The following SIK2 variants were observed in gnomAD, a reference collection of about 807,000 sequenced individuals.
SIK2 encodes the protein salt inducible kinase 2.
A neutral mutation model predicts 103.2 loss-of-function variants in SIK2; 29 were observed. That is an observed-to-expected ratio of 0.28 (90% CI 0.21 to 0.38). The LOEUF (loss-of-function observed/expected upper bound fraction) is 0.38. Ranked by LOEUF, SIK2 falls within the 10% of genes least tolerant of loss-of-function variation. SIK2 has a pLI of 1.00. For synonymous variants in SIK2, 412 were observed against 446.1 expected (o/e 0.92, Z 0.96); for missense variants, 879 against 1,171.0 (o/e 0.75, Z 3.64).
At chr11:111,608,726 C>T (rs2135829171) in intron 1 of SIK2, among the ~76,000 whole-genome samples, 1 of 152,254 alleles carries the variant, frequency 6.6e-6, no homozygotes, top group Non-Finnish European at 1.5e-5. Flanking sequence ...ATCTTCCTGT[C>T]TCTCTTTCTA....
intron 8 of SIK2, among the ~76,000 whole-genome samples, chr11:111,708,641 A>G (rs1249921613): frequency 6.6e-6 from 1 of 152,102 alleles, no homozygotes; most frequent in African/African-American, 2.4e-5. Context: ...GCCAGAGGAC[A>G]GTGGCAATCA....
intron 3 of SIK2, among the ~76,000 whole-genome samples, chr11:111,651,669 T>G (rs1414080627): frequency 6.6e-6 from 1 of 152,214 alleles, no homozygotes; most frequent in East Asian, 1.9e-4. Context: ...ATCCTGCACG[T>G]GTATCCCAGA....
intron 3 of SIK2, among the ~76,000 whole-genome samples, chr11:111,656,079 A>G (rs1022899711): frequency 6.6e-6 from 1 of 150,688 alleles, no homozygotes; most frequent in Non-Finnish European, 1.5e-5. Context: ...GGTCCCAGCT[A>G]CTCAGGAGGC....
At chr11:111,625,217 T>C (rs574519877) in intron 3 of SIK2, among the ~76,000 whole-genome samples, 1 of 152,264 alleles carries the variant, frequency 6.6e-6, no homozygotes, top group Admixed American at 6.5e-5. Context: ...GCATCTAATG[T>C]ATCATTTTAA....
intron 3 of SIK2, among the ~76,000 whole-genome samples, chr11:111,622,645 TG>T (rs1941906148): frequency 6.6e-6 from 1 of 152,236 alleles, no homozygotes; most frequent in African/African-American, 2.4e-5. Context: ...TCTTTATTTT[TG>T]TCTTTGTTTT....
intron 3 of SIK2, among the ~76,000 whole-genome samples, chr11:111,682,299 T>C (rs1565351869): frequency 6.6e-6 from 1 of 152,088 alleles, no homozygotes; most frequent in African/African-American, 2.4e-5. Flanking sequence ...ATCCAGAATA[T>C]AGGATGACCG....
At chr11:111,664,445 GTC>G (rs1158400073) in intron 3 of SIK2, among the ~76,000 whole-genome samples, 4 of 152,076 alleles carry the variant, frequency 2.6e-5, no homozygotes, top group Admixed American at 6.5e-5. Flanking sequence ...GTGAAAGCCT[GTC>G]TCTACTCAAA....
At chr11:111,652,039 A>G (rs1251832910) in intron 3 of SIK2, among the ~76,000 whole-genome samples, 1 of 152,228 alleles carries the variant, frequency 6.6e-6, no homozygotes, top group Non-Finnish European at 1.5e-5. Flanking sequence ...AAGATAATAC[A>G]TCGGTGCTTC....
intron 8 of SIK2, 116 bp from the exon 9 acceptor site, chr11:111,712,091 CAATA>C (rs1943512203): frequency 9.3e-7 from 1 of 1,080,506 alleles, no homozygotes; most frequent in Admixed American, 2.3e-5. Flanking sequence ...CTGGAGTTTC[CAATA>C]AATAAATATT....
intron 3 of SIK2, among the ~76,000 whole-genome samples, chr11:111,676,954 ATAGAG>A (rs1355081084): frequency 6.6e-6 from 1 of 152,234 alleles, no homozygotes; most frequent in Non-Finnish European, 1.5e-5. Flanking sequence ...ACTACCATAA[ATAGAG>A]TAAATAGCAC....
At chr11:111,609,896 T>C (rs1353845553) in intron 1 of SIK2, among the ~76,000 whole-genome samples, 1 of 152,212 alleles carries the variant, frequency 6.6e-6, no homozygotes, top group Non-Finnish European at 1.5e-5. Context: ...AAAGGTCTAA[T>C]GTATGGTATG....
At chr11:111,672,077 C>T in intron 3 of SIK2, 1 of 496,522 alleles carries the variant, frequency 2.0e-6, no homozygotes, top group Admixed American at 2.2e-5. Flanking sequence ...ATGAAGGAGG[C>T]AAACTTCTTG....
At chr11:111,698,537 T>C (rs1943133088) in intron 4 of SIK2, among the ~76,000 whole-genome samples, 1 of 151,906 alleles carries the variant, frequency 6.6e-6, no homozygotes, top group Admixed American at 6.6e-5. Context: ...AGCCCAGGAG[T>C]TGGAGACCAG....
In SIK2 at chr11:111,725,137, C is replaced by T. The variant is rs1169631906; in HGVS notation, c.*1008C>T. ...AGATTTTAAGGACATGATAAATGAA[C>T]TTTTCTGTCCCATGTGAAGTGGTAG... On this transcript the variant is annotated 3_prime_UTR_variant, in exon 15 of 15. Transcript: ENST00000304987. 2 of 152,618 alleles carry T rather than the reference C, an allele frequency of 1.3e-5. No homozygotes were observed. The highest frequency in any genetic ancestry group is 1.9e-4 in the East Asian group (1 of 5,206). 9.5% of individuals were successfully genotyped at this position (152,618 alleles called of 1,614,324 possible). A position where few individuals can be genotyped will look rare whatever the true frequency, so the allele number is the denominator to read the frequency against.
intron 3 of SIK2, among the ~76,000 whole-genome samples, chr11:111,661,777 T>C (rs1387167165): frequency 1.3e-5 from 2 of 152,218 alleles, no homozygotes; most frequent in Non-Finnish European, 2.9e-5. Flanking sequence ...CAAGAGTGCA[T>C]GTGCAGAGGA....
chr11:111,715,115 T>C (rs1341166370), intron 9 of SIK2, among the ~76,000 whole-genome samples: 2 of 152,184 alleles, frequency 1.3e-5, no homozygotes, highest in East Asian at 1.9e-4. Context: ...AGGAGCTAGA[T>C]GGTATATTTG....
At chr11:111,670,121 T>A (rs1347814907) in intron 3 of SIK2, among the ~76,000 whole-genome samples, 1 of 152,194 alleles carries the variant, frequency 6.6e-6, no homozygotes, top group African/African-American at 2.4e-5. Context: ...ACCCCACTGA[T>A]CTATCCAACA....
rs1414858243 is a variant in SIK2, at chr11:111,728,818, G to A, written c.*4689G>A. ...GGGCGCCTGTAGTTCCAGCTACTCGGGAGGCTGAGGCAGGAGAATGGCGTG... is the reference window on the plus strand; with the variant it reads ...GGGCGCCTGTAGTTCCAGCTACTCGAGAGGCTGAGGCAGGAGAATGGCGTG... On this transcript the variant is annotated 3_prime_UTR_variant, in exon 15 of 15. Transcript: ENST00000304987. 6.6e-6 allele frequency: 1 copy of A among 151,996 alleles called. No individual in the cohort carries two copies. The highest frequency in any genetic ancestry group is 6.5e-5 in the Admixed American group (1 of 15,272). 9.4% of individuals were successfully genotyped at this position (151,996 alleles called of 1,614,324 possible). A position where few individuals can be genotyped will look rare whatever the true frequency, so the allele number is the denominator to read the frequency against.
intron 4 of SIK2, among the ~76,000 whole-genome samples, chr11:111,690,692 A>G (rs1451434827): frequency 3.5e-5 from 5 of 143,368 alleles, no homozygotes; most frequent in African/African-American, 1.3e-4. Context: ...ACTCCCACTT[A>G]TGAGTGAGAA....
Sources: allele counts gnomAD v4.1 joint callset (sites outside exome capture counted in the v4.1 genomes callset), GRCh38; gene constraint gnomAD v4.1.1; transcripts MANE v1.5; gene names NCBI Gene and HGNC (gene_info 2026-07-23, HGNC 2026-07-21).